Variants in INPP5A observed in about 807,000 individuals in gnomAD.
INPP5A encodes the protein inositol polyphosphate-5-phosphatase A.
In INPP5A, 14 loss-of-function variants were observed where a neutral mutation model predicts 65.2. The ratio of observed to expected loss-of-function variants is 0.21; its 90% CI spans 0.14 to 0.34. The LOEUF (loss-of-function observed/expected upper bound fraction) is 0.34. Among genes scored for constraint, INPP5A ranks in the 10% least tolerant of loss-of-function variants. INPP5A has a pLI of 1.00. For synonymous variants in INPP5A, 207 were observed against 208.3 expected (o/e 0.99, Z 0.05); for missense variants, 431 against 545.6 (o/e 0.79, Z 2.09).
intron 4 of INPP5A, among the ~76,000 whole-genome samples, chr10:132,685,190 G>A (rs964950030): frequency 6.6e-6 from 1 of 152,240 alleles, no homozygotes; most frequent in Non-Finnish European, 1.5e-5. Context: ...AGCACGGTCG[G>A]CCTTAGTCAG....
intron 1 of INPP5A, among the ~76,000 whole-genome samples, chr10:132,606,164 G>T (rs2071846011): frequency 6.6e-6 from 1 of 152,188 alleles, no homozygotes; most frequent in African/African-American, 2.4e-5. Flanking sequence ...TGTGGGGCTG[G>T]GACCCTCGAT....
rs572323618 is a variant in INPP5A at position 132,551,745 on chromosome 10, G to A, written c.75+13574G>A. 1.3e-5 allele frequency among the ~76,000 whole-genome samples: 2 copies of A among 152,304 alleles called. No individual in the cohort carries two copies. Among genetic ancestry groups the A allele is most frequent in the East Asian group, 3.9e-4 (2 of 5,178 alleles). On this transcript the variant is annotated intron_variant, in intron 1 of 15. Transcript: ENST00000368594. The surrounding 1 kb of genome is among the most constrained non-coding windows in gnomAD (Gnocchi z 5.3). Reference sequence around the variant, plus strand: ...GCTGGAGGGACGTGGGGTGGGAATGGGCCTGACCAGCTAGGGAACAGAGGC... The same window carrying A: ...GCTGGAGGGACGTGGGGTGGGAATGAGCCTGACCAGCTAGGGAACAGAGGC...
At chr10:132,765,955 T>C (rs1846834506) in intron 12 of INPP5A, 109 bp downstream of exon 12, 1 of 732,636 alleles carries the variant, frequency 1.4e-6, no homozygotes, top group Non-Finnish European at 2.5e-6. Flanking sequence ...GTGCTGGGCA[T>C]GAGTGTGTGC....
intron 2 of INPP5A, among the ~76,000 whole-genome samples, chr10:132,636,906 ATTTTAT>A (rs2072360278): frequency 6.6e-6 from 1 of 152,036 alleles, no homozygotes; most frequent in African/African-American, 2.4e-5. Context: ...GATTCTTTAC[ATTTTAT>A]TTTTATTTTT....
At chr10:132,677,594 G>GC (rs2072983982) in intron 4 of INPP5A, among the ~76,000 whole-genome samples, 1 of 152,230 alleles carries the variant, frequency 6.6e-6, no homozygotes, top group South Asian at 2.1e-4. Flanking sequence ...GGAGAAGCCT[G>GC]CCGCAGGCTG....
chr10:132,568,244 G>A (rs1010981036), intron 1 of INPP5A, among the ~76,000 whole-genome samples: 46 of 150,912 alleles, frequency 3.0e-4, no homozygotes, highest in African/African-American at 1.0e-3. Context: ...TTTTCCTGGT[G>A]TTCACCTGGT....
At chr10:132,632,728 A>G (rs1212102697) in intron 2 of INPP5A, among the ~76,000 whole-genome samples, 4 of 152,134 alleles carry the variant, frequency 2.6e-5, no homozygotes, top group African/African-American at 9.7e-5. Context: ...AAGTAAATAT[A>G]TTAAAACCAA....
intron 12 of INPP5A, among the ~76,000 whole-genome samples, chr10:132,766,065 T>TGTGTGTGTGCACATGTGCACGA (rs1220302542): frequency 1.3e-5 from 2 of 151,234 alleles, no homozygotes; most frequent in Non-Finnish European, 2.9e-5. Flanking sequence ...CGTATGCGTC[T>TGTGTGTGTGCACATGTGCACGA]GTGTGTGTGC....
At chr10:132,751,955 C>T (rs541205986) in intron 11 of INPP5A, among the ~76,000 whole-genome samples, 6 of 102,818 alleles carry the variant, frequency 5.8e-5, no homozygotes, top group East Asian at 5.4e-4. Context: ...GAGGCGTCTG[C>T]GTGAAAGGGG....
chr10:132,656,718 C>T (rs1365544701), intron 4 of INPP5A, among the ~76,000 whole-genome samples: 1 of 152,224 alleles, frequency 6.6e-6, no homozygotes, highest in Admixed American at 6.5e-5. Flanking sequence ...AGCAGGGTTG[C>T]CCCGGGCTCC....
chr10:132,687,689 G>A (rs1313155254), intron 4 of INPP5A, among the ~76,000 whole-genome samples: 1 of 152,170 alleles, frequency 6.6e-6, no homozygotes, highest in African/African-American at 2.4e-5. Context: ...TTACCCTGCA[G>A]CTTTGGGTTC....
rs1365955135 is a variant in INPP5A at position 132,547,288 on chromosome 10, C to T, written c.75+9117C>T. On this transcript the variant is annotated intron_variant, in intron 1 of 15. Transcript: ENST00000368594. The surrounding 1 kb of genome is among the most constrained non-coding windows in gnomAD (Gnocchi z 5.5). ...GTCACATGGTTTCTGGACTGTCAGC[C>T]TTTGGGCTGAGTGAGGCGTTACTGC... Among the ~76,000 whole-genome samples the T allele has an allele frequency of 6.6e-6, 1 of 152,332 alleles. No individual in the cohort carries two copies. Among genetic ancestry groups the T allele is most frequent in the Non-Finnish European group, 1.5e-5 (1 of 68,016 alleles).
At chr10:132,766,866 G>A (rs1846854897) in intron 12 of INPP5A, among the ~76,000 whole-genome samples, 1 of 151,704 alleles carries the variant, frequency 6.6e-6, no homozygotes, top group Non-Finnish European at 1.5e-5. Flanking sequence ...CGGCCTCAGG[G>A]AGCCTGGGTG....
chr10:132,708,741 T>C (rs997008737), intron 7 of INPP5A, among the ~76,000 whole-genome samples: 18 of 152,254 alleles, frequency 1.2e-4, no homozygotes, highest in African/African-American at 4.3e-4. Context: ...CCTGGCAGCC[T>C]GGTCCATCAG....
intron 4 of INPP5A, among the ~76,000 whole-genome samples, chr10:132,688,015 C>A (rs918840175): frequency 1.3e-5 from 2 of 152,192 alleles, no homozygotes; most frequent in Admixed American, 1.3e-4. Flanking sequence ...ATGTGGCCAG[C>A]GTCCCCGGGA....
Position 132,553,649 on chromosome 10 carries a change from A to G in INPP5A, c.75+15478A>G, listed in dbSNP as rs112331569. On this transcript the variant is annotated intron_variant, in intron 1 of 15. Coordinates refer to ENST00000368594, the MANE Select transcript of INPP5A (RefSeq NM_005539.5). ...AGAGCCTTGGTGTGGAATATTGAGT[A>G]GGATAGGGAGGGAGGATTGGTGAAT... 5.9e-3 allele frequency among the ~76,000 whole-genome samples: 622 copies of G among 104,720 alleles called. 15 individuals carry two copies. The highest frequency in any genetic ancestry group is 7.9e-3 in the Non-Finnish European group (405 of 51,280). The allele number at this position is 104,720 out of a possible 152,430, so 68.7% of individuals were successfully genotyped here. A position where few individuals can be genotyped will look rare whatever the true frequency, so the allele number is the denominator to read the frequency against.
chr10:132,719,858 G>A (rs1236984044), intron 8 of INPP5A, among the ~76,000 whole-genome samples: 3 of 149,062 alleles, frequency 2.0e-5, no homozygotes, highest in Admixed American at 6.7e-5. Context: ...GTGGTACCTC[G>A]GTTCTGTCTG....
chr10:132,629,337 C>T (rs1419968065), intron 2 of INPP5A, among the ~76,000 whole-genome samples: 2 of 152,344 alleles, frequency 1.3e-5, no homozygotes, highest in African/African-American at 4.8e-5. Flanking sequence ...TGCCCGCCTG[C>T]TCAACTTCAG....
chr10:132,620,083 AC>A (rs2072090609), intron 2 of INPP5A, among the ~76,000 whole-genome samples: 1 of 152,182 alleles, frequency 6.6e-6, no homozygotes, highest in Non-Finnish European at 1.5e-5. Context: ...GGGAGCACTG[AC>A]CTGAAGCTGC....
Sources: allele counts gnomAD v4.1 joint callset (sites outside exome capture counted in the v4.1 genomes callset), GRCh38; gene constraint gnomAD v4.1.1; non-coding constraint Gnocchi (gnomAD v3.1); transcripts MANE v1.5; gene names NCBI Gene and HGNC (gene_info 2026-07-23, HGNC 2026-07-21).